DAAM2: variants seen among roughly 807,000 people sequenced by gnomAD.
DAAM2 encodes the protein dishevelled associated activator of morphogenesis 2, also known as disheveled-associated activator of morphogenesis 2.
DAAM2 carries 39 observed loss-of-function variants against 120.7 expected under a neutral mutation model. That is an observed-to-expected ratio of 0.32 (90% CI 0.25 to 0.42). DAAM2 has a LOEUF of 0.42. Ranked by LOEUF, DAAM2 falls within the 10% of genes least tolerant of loss-of-function variation. The pLI, the probability that DAAM2 is intolerant of heterozygous loss-of-function variation, is 1.00. For synonymous variants in DAAM2, 488 were observed against 524.9 expected (o/e 0.93, Z 0.96); for missense variants, 1,283 against 1,401.7 (o/e 0.92, Z 1.35).
intron 19 of DAAM2, among the ~76,000 whole-genome samples, chr6:39,895,305 G>A (rs1409343199): frequency 6.6e-6 from 1 of 151,438 alleles, no homozygotes; most frequent in Non-Finnish European, 1.5e-5. Context: ...GTGTGATCTC[G>A]GCTCACTGCA....
intron 3 of DAAM2, chr6:39,862,291 G>A (rs1190620437): frequency 6.6e-6 from 1 of 152,160 alleles, no homozygotes; most frequent in Non-Finnish European, 1.5e-5. Context: ...CTCAATGCAT[G>A]CTTATTAAGC....
At chr6:39,820,282 G>T (rs1013224011) in intron 1 of DAAM2, 2 of 152,154 alleles carry the variant, frequency 1.3e-5, no homozygotes, top group Admixed American at 6.5e-5. Flanking sequence ...TCTATGAGGA[G>T]CCTGGACTTC....
chr6:39,803,218 G>A (rs559516686), intron 1 of DAAM2, among the ~76,000 whole-genome samples: 1 of 152,314 alleles, frequency 6.6e-6, no homozygotes, highest in Non-Finnish European at 1.5e-5. Context: ...AATTGCTAGA[G>A]CCTTCAGCAT....
Position 39,904,511 on chromosome 6 carries a change from G to A in DAAM2, c.*2474G>A, listed in dbSNP as rs1766690277. 2.2e-6 allele frequency: 1 copy of A among 454,330 alleles called. No homozygotes were observed. Among genetic ancestry groups the A allele is most frequent in the Non-Finnish European group, 4.4e-6 (1 of 226,962 alleles). The allele number at this position is 454,330 out of a possible 1,614,324, so 28.1% of individuals were successfully genotyped here. A position where few individuals can be genotyped will look rare whatever the true frequency, so the allele number is the denominator to read the frequency against. On this transcript the variant is annotated 3_prime_UTR_variant, in exon 25 of 25. Coordinates refer to ENST00000274867, the MANE Select transcript of DAAM2 (RefSeq NM_001201427.2). ...ATAAGTTTCTCTAGCTAATTTTGTG[G>A]CCAATGTAAAATTCGTCATCAACCT...
chr6:39,837,903 A>G (rs1403937944), intron 1 of DAAM2, among the ~76,000 whole-genome samples: 2 of 152,160 alleles, frequency 1.3e-5, no homozygotes, highest in African/African-American at 4.8e-5. Flanking sequence ...TGTTTGCTGC[A>G]CCAGAATCAA....
At chr6:39,855,817 T>G (rs1266117244) in intron 1 of DAAM2, among the ~76,000 whole-genome samples, 1 of 152,174 alleles carries the variant, frequency 6.6e-6, no homozygotes, top group African/African-American at 2.4e-5. Flanking sequence ...TTTAAATCAG[T>G]TATCCCCAGA....
intron 16 of DAAM2, chr6:39,888,344 T>C (rs745946906): frequency 5.8e-6 from 1 of 172,774 alleles, no homozygotes; most frequent in Non-Finnish European, 1.2e-5. Flanking sequence ...TTTTTAAGCA[T>C]GAGGAGGAGG....
At position 39,903,367 on chromosome 6, in the gene DAAM2, A is replaced by G. The variant is rs942167316; in HGVS notation, c.*1330A>G. On this transcript the variant is annotated 3_prime_UTR_variant, in exon 25 of 25. Coordinates refer to ENST00000274867, the MANE Select transcript of DAAM2 (RefSeq NM_001201427.2). ...GGGGGCCACCCCATTTCTGGTACCCAATTTGGTTCTTCAGCCCAACTTGCA... is the reference window on the plus strand; with the variant it reads ...GGGGGCCACCCCATTTCTGGTACCCGATTTGGTTCTTCAGCCCAACTTGCA... The G allele has an allele frequency of 2.0e-5, 3 of 152,308 alleles. No individual in the cohort carries two copies. The highest frequency in any genetic ancestry group is 1.9e-4 in the East Asian group (1 of 5,182). The allele number at this position is 152,308 out of a possible 1,614,324, so 9.4% of individuals were successfully genotyped here. A position where few individuals can be genotyped will look rare whatever the true frequency, so the allele number is the denominator to read the frequency against.
chr6:39,880,726 T>A (rs538183549), intron 14 of DAAM2, among the ~76,000 whole-genome samples: 6 of 152,310 alleles, frequency 3.9e-5, no homozygotes, highest in Non-Finnish European at 8.8e-5. Flanking sequence ...GGTGGAAAGA[T>A]GAAGCATAAA....
At chr6:39,798,039 G>C (rs1056330902) in intron 1 of DAAM2, among the ~76,000 whole-genome samples, 1 of 152,238 alleles carries the variant, frequency 6.6e-6, no homozygotes, top group Non-Finnish European at 1.5e-5. Flanking sequence ...ATGTGACAGA[G>C]ACTGCATGGC....
At chr6:39,883,720 C>G (rs1041238355) in intron 14 of DAAM2, 7 of 453,632 alleles carry the variant, frequency 1.5e-5, no homozygotes, top group African/African-American at 3.9e-5. Flanking sequence ...ATTTCTAGAA[C>G]ATGTTTACAT....
rs149442391 is a variant in DAAM2, at chr6:39,849,395, G to A, written c.-56-6852G>A. The stretch of plus-strand genomic sequence containing the variant: ...ATACCGTCAACATTCAGGTATCTTC[G>A]CAAGTAGAACAGCAGCTTATCTGTG... On this transcript the variant is annotated intron_variant, in intron 1 of 24. Coordinates refer to ENST00000274867, the MANE Select transcript of DAAM2 (RefSeq NM_001201427.2). 3.4e-3 allele frequency among the ~76,000 whole-genome samples: 524 copies of A among 152,254 alleles called. 3 individuals carry two copies. The highest frequency in any genetic ancestry group is 0.012 in the African/African-American group (503 of 41,552).
intron 1 of DAAM2, among the ~76,000 whole-genome samples, chr6:39,793,500 G>A (rs1308670621): frequency 1.3e-5 from 2 of 152,040 alleles, no homozygotes; most frequent in South Asian, 2.1e-4. Flanking sequence ...AACGTTTCTC[G>A]GAGGGTTAGA....
rs184549235 is a variant in DAAM2 at position 39,794,568 on chromosome 6, A to G, written c.-57+2103A>G. 6.4e-3 allele frequency among the ~76,000 whole-genome samples: 967 copies of G among 152,256 alleles called. 12 individuals carry two copies. The highest frequency in any genetic ancestry group is 0.021 in the African/African-American group (890 of 41,530). ...GGCTGTGCAGGCAAGACCAATAGGA[A>G]GGCCTGTAAATGATTTTGTTTTTGG... is the stretch of plus-strand genomic sequence containing the variant. On this transcript the variant is annotated intron_variant, in intron 1 of 24. Coordinates refer to ENST00000274867, the MANE Select transcript of DAAM2 (RefSeq NM_001201427.2).
intron 1 of DAAM2, among the ~76,000 whole-genome samples, chr6:39,795,997 C>T (rs938140328): frequency 2.6e-5 from 4 of 152,028 alleles, no homozygotes; most frequent in Non-Finnish European, 4.4e-5. Flanking sequence ...AGTCAGAGAG[C>T]GGGTAGGCAG....
At chr6:39,899,129 A>G in intron 22 of DAAM2, 192 bp downstream of exon 22, 1 of 586,152 alleles carries the variant, frequency 1.7e-6, no homozygotes. Context: ...ACCTAAGACT[A>G]TACCCATGTT....
chr6:39,807,318 C>T (rs1225760835), intron 1 of DAAM2, among the ~76,000 whole-genome samples: 1 of 152,084 alleles, frequency 6.6e-6, no homozygotes, highest in Non-Finnish European at 1.5e-5. Context: ...AAGTTAAAAT[C>T]ATGTAAAACA....
At chr6:39,856,503 T>C (rs1332963683) in intron 2 of DAAM2, 33 bp downstream of exon 2, 1 of 1,382,662 alleles carries the variant, frequency 7.2e-7, no homozygotes, top group East Asian at 2.9e-5. Flanking sequence ...ACAGTGACAA[T>C]GGGGAGGAGG....
intron 10 of DAAM2, 121 bp from the exon 11 acceptor site, chr6:39,875,209 G>A: frequency 9.5e-7 from 1 of 1,056,380 alleles, no homozygotes; most frequent in Non-Finnish European, 1.4e-6. Flanking sequence ...TTCTAGACTG[G>A]GAGCTTACCA....
Sources: allele counts gnomAD v4.1 joint callset (sites outside exome capture counted in the v4.1 genomes callset), GRCh38; gene constraint gnomAD v4.1.1; transcripts MANE v1.5; gene names NCBI Gene and HGNC (gene_info 2026-07-23, HGNC 2026-07-21).